ZNF277: variants seen among roughly 807,000 people sequenced by gnomAD.
ZNF277 encodes the protein nuclear receptor-interacting factor 4.
ZNF277 carries 55 observed loss-of-function variants against 60.7 expected under a neutral mutation model. That is an observed-to-expected ratio of 0.91 (90% CI 0.73 to 1.13). ZNF277 has a LOEUF of 1.13. Ranked by LOEUF, ZNF277 falls within the 50% of genes most tolerant of loss-of-function variation. The probability of loss-of-function intolerance (pLI) is 0.00; values close to 1 mark genes in which losing one functional copy is unlikely to be tolerated. For missense variants in ZNF277, 510 were observed against 523.0 expected (o/e 0.98, Z 0.24); for synonymous variants, 178 against 179.3 (o/e 0.99, Z 0.06).
Position 112,341,532 on chromosome 7 carries a change from T to A in ZNF277, c.1184+486T>A, listed in dbSNP as rs113056207. Among the ~76,000 whole-genome samples, 1,141 of 150,104 alleles carry A rather than the reference T, an allele frequency of 7.6e-3. 9 individuals carry two copies. Among genetic ancestry groups the A allele is most frequent in the African/African-American group, 0.027 (1,066 of 39,422 alleles). On this transcript the variant is annotated intron_variant, in intron 11 of 11. Transcript: ENST00000361822. The stretch of plus-strand genomic sequence containing the variant: ...ATCTAATTATTTAATTAAGCTGAAC[T>A]CCTAGAAATAAAATTACTATGTCAG...
chr7:112,243,496 C>A (rs1452310444), intron 1 of ZNF277, among the ~76,000 whole-genome samples: 73 of 141,610 alleles, frequency 5.2e-4, no homozygotes, highest in Admixed American at 5.6e-4. Flanking sequence ...AAAAAAAAAA[C>A]AACCCCATTA....
intron 1 of ZNF277, among the ~76,000 whole-genome samples, chr7:112,280,688 C>T (rs1472324914): frequency 6.6e-6 from 1 of 151,662 alleles, no homozygotes; most frequent in Admixed American, 6.6e-5. Flanking sequence ...TGCAGTGGCA[C>T]GATCTCAGCT....
chr7:112,282,894 A>C (rs1370676511), intron 1 of ZNF277, among the ~76,000 whole-genome samples: 2 of 152,210 alleles, frequency 1.3e-5, no homozygotes, highest in Non-Finnish European at 1.5e-5. Flanking sequence ...TAAAACAGAG[A>C]TGGAAGTGGA....
chr7:112,215,230 C>G (rs1229162504), intron 1 of ZNF277, among the ~76,000 whole-genome samples: 1 of 152,114 alleles, frequency 6.6e-6, no homozygotes, highest in Non-Finnish European at 1.5e-5. Flanking sequence ...GCTACTGCTA[C>G]TACTACTACA....
intron 1 of ZNF277, among the ~76,000 whole-genome samples, chr7:112,252,647 T>C (rs1286730054): frequency 2.6e-5 from 4 of 152,174 alleles, no homozygotes; most frequent in Admixed American, 2.0e-4. Flanking sequence ...AGTGATATCC[T>C]TGGGCCTGAA....
At chr7:112,211,764 C>T (rs1005991293) in intron 1 of ZNF277, among the ~76,000 whole-genome samples, 6 of 152,174 alleles carry the variant, frequency 3.9e-5, no homozygotes, top group African/African-American at 1.4e-4. Context: ...CTTCCTTTCC[C>T]ATATCTCCAT....
At chr7:112,261,369 T>C (rs1232588314) in intron 1 of ZNF277, among the ~76,000 whole-genome samples, 1 of 152,210 alleles carries the variant, frequency 6.6e-6, no homozygotes, top group African/African-American at 2.4e-5. Context: ...ATTTCAGAAA[T>C]AAATTTGCTA....
chr7:112,239,320 G>A (rs933410226), intron 1 of ZNF277, among the ~76,000 whole-genome samples: 6 of 152,078 alleles, frequency 3.9e-5, no homozygotes, highest in Admixed American at 6.6e-5. Context: ...AAACCCCCTC[G>A]CCCTGAAGGG....
chr7:112,299,505 A>G (rs545932793), intron 4 of ZNF277, among the ~76,000 whole-genome samples: 1 of 152,268 alleles, frequency 6.6e-6, no homozygotes, highest in Non-Finnish European at 1.5e-5. Flanking sequence ...CCCTTGGCCC[A>G]TAGTGTGCAA....
At chr7:112,324,644 C>T (rs1793058110) in intron 5 of ZNF277, among the ~76,000 whole-genome samples, 1 of 152,176 alleles carries the variant, frequency 6.6e-6, no homozygotes. Context: ...TCCCTTCTCA[C>T]CTCAGACTAA....
At chr7:112,322,532 T>C (rs1338546790) in intron 5 of ZNF277, among the ~76,000 whole-genome samples, 1 of 152,118 alleles carries the variant, frequency 6.6e-6, no homozygotes, top group Non-Finnish European at 1.5e-5. Context: ...ACTTTCTGGC[T>C]ACTATTGGCC....
In ZNF277 at chr7:112,206,721, C is replaced by T. The variant is rs1407742164; in HGVS notation, c.5C>T (p.Ala2Val). 6.2e-7 allele frequency: 1 copy of T among 1,613,338 alleles called. No homozygotes were observed. Reference protein sequence around the residue: MAASKTQGAVAR... With the variant: MVASKTQGAVAR... Reference sequence around the variant, plus strand: ...CCTTTTCTTTTCTGCCGGGTAATGGCTGCTTCCAAGACCCAGGGGGCTGTC... The same window carrying T: ...CCTTTTCTTTTCTGCCGGGTAATGGTTGCTTCCAAGACCCAGGGGGCTGTC... The change falls in exon 1 of 12, where the codon GCT becomes GTT. Residue 2 changes from alanine (A) to valine (V), a missense_variant. Physicochemically the swap from Ala to Val is moderately conservative, Grantham distance 64. Coordinates refer to ENST00000361822, the MANE Select transcript of ZNF277 (RefSeq NM_021994.3).
chr7:112,308,422 C>A (rs1326190147), intron 4 of ZNF277, among the ~76,000 whole-genome samples: 1 of 152,002 alleles, frequency 6.6e-6, no homozygotes, highest in Non-Finnish European at 1.5e-5. Context: ...GAGGCTGAAG[C>A]ACAAGAACCA....
chr7:112,257,981 A>G (rs562483316), intron 1 of ZNF277, among the ~76,000 whole-genome samples: 53 of 151,560 alleles, frequency 3.5e-4, no homozygotes, highest in African/African-American at 1.1e-3. Context: ...CCTGGCTAAC[A>G]TTTTTTTTCT....
At chr7:112,335,653 T>A (rs1793315466) in intron 7 of ZNF277, among the ~76,000 whole-genome samples, 1 of 152,222 alleles carries the variant, frequency 6.6e-6, no homozygotes, top group South Asian at 2.1e-4. Context: ...TTTTATTTTT[T>A]ATTTCTAACA....
At chr7:112,278,865 C>A (rs1010709816) in intron 1 of ZNF277, among the ~76,000 whole-genome samples, 2 of 152,178 alleles carry the variant, frequency 1.3e-5, no homozygotes, top group Non-Finnish European at 2.9e-5. Flanking sequence ...TCTTCCATTA[C>A]TGAAATTCCA....
rs751541718 is a variant in ZNF277, at chr7:112,296,360, A to G, written c.465+49A>G. 9 of 957,520 alleles carry G rather than the reference A, an allele frequency of 9.4e-6. No homozygotes were observed. In the South Asian group the frequency reaches 1.6e-4, roughly 17 times the overall value. 59.3% of individuals were successfully genotyped at this position (957,520 alleles called of 1,614,324 possible). A position where few individuals can be genotyped will look rare whatever the true frequency, so the allele number is the denominator to read the frequency against. ...AATAGTGTCTTGAAAATACATATAA[A>G]TACATATAAAATCATATTGGTTTTT... On this transcript the variant is annotated intron_variant, in intron 4 of 11. Transcript: ENST00000361822.
chr7:112,314,320 G>T (rs1319912230), intron 4 of ZNF277, among the ~76,000 whole-genome samples: 1 of 152,072 alleles, frequency 6.6e-6, no homozygotes, highest in Non-Finnish European at 1.5e-5. Context: ...CCTTGCATAA[G>T]CAAAGATGGG....
chr7:112,300,206 A>T (rs1397829778), intron 4 of ZNF277, among the ~76,000 whole-genome samples: 1 of 152,094 alleles, frequency 6.6e-6, no homozygotes, highest in Admixed American at 6.6e-5. Flanking sequence ...TTTCTTTGAG[A>T]TTTCACTGGT....
Sources: gnomAD v4.1 joint callset for allele counts (sites outside exome capture counted in the v4.1 genomes callset) on GRCh38, gnomAD v4.1.1 for gene constraint, MANE v1.5 for transcripts, NCBI Gene and HGNC (gene_info 2026-07-23, HGNC 2026-07-21) for gene names.